The following CHUK variants were observed in gnomAD, a reference collection of about 807,000 sequenced individuals.
CHUK encodes the protein inhibitor of nuclear factor kappa-B kinase subunit alpha.
Under a neutral mutation model 104.8 loss-of-function variants are expected in CHUK, and 35 were observed. That is an observed-to-expected ratio of 0.33 (90% CI 0.26 to 0.44). CHUK has a LOEUF of 0.44. Among genes scored for constraint, CHUK ranks in the 20% least tolerant of loss-of-function variants. The probability of loss-of-function intolerance (pLI) is 1.00; values close to 1 mark genes in which losing one functional copy is unlikely to be tolerated. For synonymous variants in CHUK, 276 were observed against 291.9 expected (o/e 0.95, Z 0.56); for missense variants, 663 against 902.7 (o/e 0.73, Z 3.40).
chr10:100,222,745 A>G, intron 3 of CHUK, 121 bp downstream of exon 3: 1 of 679,682 alleles, frequency 1.5e-6, no homozygotes, highest in African/African-American at 1.8e-5. Flanking sequence ...AACTTTATTT[A>G]CAAAACAGGA....
Position 100,229,505 on chromosome 10 carries a change from C to G in CHUK, c.28G>C (p.Gly10Arg). The G allele has an allele frequency of 6.4e-7, 1 of 1,566,788 alleles. No homozygotes were observed. Among genetic ancestry groups the G allele is most frequent in the Non-Finnish European group, 8.6e-7 (1 of 1,160,920 alleles). Residue 10 changes from glycine to arginine, a missense_variant, in exon 1 of 21, where the codon GGC becomes CGC. Gly to Arg is a moderately radical substitution (Grantham distance 125). Around this residue, in one of 5 missense-constraint regions of CHUK, gnomAD observed 44 missense variants for 39.2 expected, o/e 1.12. Transcript: ENST00000370397. MERPPGLRP[G>R]AGGPWEMRER... is the part of the protein sequence containing the mutation. ...CGCATCTCCCAGGGCCCGCCCGCGC[C>G]CGGCCGCAGCCCCGGGGGCCGCTCC...
rs777095116 is a variant in CHUK, at chr10:100,219,297, T to C, written c.537A>G (p.Thr179=). 6.2e-7 allele frequency: 1 copy of C among 1,605,766 alleles called. No homozygotes were observed. The highest frequency in any genetic ancestry group is 8.5e-7 in the Non-Finnish European group (1 of 1,172,392). The change falls in exon 6 of 21, where the codon ACA becomes ACG. Residue 179 remains threonine (T), a synonymous_variant. Coordinates refer to ENST00000370397, the MANE Select transcript of CHUK (RefSeq NM_001278.5). ...GATACTGCAGTGTTCCCACAAAAGATGTACACAGACTTCCTTGATCAACAT... is the reference window on the plus strand; with the variant it reads ...GATACTGCAGTGTTCCCACAAAAGACGTACACAGACTTCCTTGATCAACAT... ...AKDVDQGSLC[T]SFVGTLQYLA...
chr10:100,229,489 C>G lies in CHUK; in HGVS notation c.44G>C (p.Trp15Ser), dbSNP rs1371192828. ...GGTGCCCAGCCGCTCCCGCATCTCC[C>G]AGGGCCCGCCCGCGCCCGGCCGCAG... Reference protein sequence around the residue: ...PGLRPGAGGPWEMRERLGTGG... With the variant: ...PGLRPGAGGPSEMRERLGTGG... Residue 15 changes from tryptophan to serine, a missense_variant, in exon 1 of 21, where the codon TGG becomes TCG. Physicochemically the swap from Trp to Ser is radical, Grantham distance 177. This residue lies in a region of CHUK where 44 missense variants were observed against 39.2 expected (regional missense o/e 1.12). Transcript: ENST00000370397. 1 of 1,589,198 alleles carries G rather than the reference C, an allele frequency of 6.3e-7. No homozygotes were observed. Among genetic ancestry groups the G allele is most frequent in the Non-Finnish European group, 8.5e-7 (1 of 1,171,762 alleles).
chr10:100,202,555 C>T (rs962456278), intron 13 of CHUK, among the ~76,000 whole-genome samples: 4 of 152,144 alleles, frequency 2.6e-5, no homozygotes, highest in African/African-American at 9.7e-5. Context: ...TTCTTCTCTA[C>T]AGATTTCAGA....
At chr10:100,204,457 G>A (rs1845542422) in intron 13 of CHUK, 49 bp downstream of exon 13, 5 of 1,533,208 alleles carry the variant, frequency 3.3e-6, no homozygotes, top group Non-Finnish European at 3.6e-6. Context: ...ATAACAGATG[G>A]CTTCAAGAAA....
At chr10:100,190,628 C>A in intron 20 of CHUK, 1 of 523,418 alleles carries the variant, frequency 1.9e-6, no homozygotes. Context: ...AAGAAGCTTA[C>A]CACTCATTTA....
At chr10:100,191,767 C>T (rs1297839848) in intron 19 of CHUK, among the ~76,000 whole-genome samples, 2 of 152,182 alleles carry the variant, frequency 1.3e-5, no homozygotes, top group African/African-American at 4.8e-5. Flanking sequence ...TCAAACAGTT[C>T]CCAATCCTTG....
chr10:100,210,883 G>A (rs186515879), intron 9 of CHUK, among the ~76,000 whole-genome samples: 87 of 152,314 alleles, frequency 5.7e-4, no homozygotes, highest in African/African-American at 1.8e-3. Context: ...ACCTGTCAGC[G>A]CGGACAGCCA....
intron 12 of CHUK, among the ~76,000 whole-genome samples, 172 bp from the exon 13 acceptor site, chr10:100,204,829 TATA>T (rs1845553629): frequency 6.6e-6 from 1 of 152,242 alleles, no homozygotes; most frequent in Non-Finnish European, 1.5e-5. Flanking sequence ...ACTTCCTGCC[TATA>T]ATATTTTGTG....
intron 10 of CHUK, 70 bp downstream of exon 10, chr10:100,209,525 T>TA: frequency 1.0e-6 from 1 of 977,642 alleles, no homozygotes. Context: ...CAAGTATGCA[T>TA]AAAAATTGCA....
intron 16 of CHUK, chr10:100,195,411 G>A (rs529406172): frequency 1.4e-4 from 21 of 152,226 alleles, no homozygotes; most frequent in African/African-American, 4.1e-4. Context: ...TTTAAAAAAC[G>A]TTGTGTCCTT....
At chr10:100,196,386 T>G (rs374524646) in intron 16 of CHUK, among the ~76,000 whole-genome samples, 74 of 91,734 alleles carry the variant, frequency 8.1e-4, no homozygotes, top group African/African-American at 5.6e-3. Context: ...CTGCTCTGGG[T>G]TTTTTTTTTT....
In CHUK at chr10:100,220,613, A is replaced by G. The variant is rs1276835829; in HGVS notation, c.449T>C (p.Ile150Thr). ...CTTTCCACCAACATCCTGAAGAACT[A>G]TGTTTTCAGGTTTTAGATCTCGATG... Reference protein sequence around the residue: ...IIHRDLKPENIVLQDVGGKII... With the variant: ...IIHRDLKPENTVLQDVGGKII... The change falls in exon 5 of 21, where the codon ATA becomes ACA. Residue 150 changes from isoleucine (I) to threonine (T), a missense_variant. Physicochemically the swap from Ile to Thr is moderately conservative, Grantham distance 89. This residue lies in a region of CHUK where 200 missense variants were observed against 333.0 expected (regional missense o/e 0.60). Coordinates refer to ENST00000370397, the MANE Select transcript of CHUK (RefSeq NM_001278.5). 1 of 1,612,138 alleles carries G rather than the reference A, an allele frequency of 6.2e-7. No homozygotes were observed. Among genetic ancestry groups the G allele is most frequent in the Non-Finnish European group, 8.5e-7 (1 of 1,178,450 alleles).
At chr10:100,200,912 G>A (rs1254136098) in intron 14 of CHUK, 132 bp from the exon 15 acceptor site, 3 of 689,890 alleles carry the variant, frequency 4.3e-6, no homozygotes, top group Non-Finnish European at 7.9e-6. Flanking sequence ...ACGAAACACT[G>A]ATTTTGTTAA....
chr10:100,197,427 A>T (rs1446132891), intron 16 of CHUK, among the ~76,000 whole-genome samples: 2 of 152,176 alleles, frequency 1.3e-5, no homozygotes, highest in South Asian at 4.1e-4. Flanking sequence ...TAGTCTAGAT[A>T]AGCAGTTCTC....
intron 16 of CHUK, among the ~76,000 whole-genome samples, chr10:100,199,728 T>C (rs2134214597): frequency 6.6e-6 from 1 of 152,334 alleles, no homozygotes; most frequent in African/African-American, 2.4e-5. Context: ...TTCCATTCTT[T>C]CTTTTCACGT....
At chr10:100,214,214 T>C (rs1185894717) in intron 9 of CHUK, among the ~76,000 whole-genome samples, 1 of 152,206 alleles carries the variant, frequency 6.6e-6, no homozygotes, top group African/African-American at 2.4e-5. Flanking sequence ...CCTAAATTTA[T>C]CTTTTTGCTC....
At chr10:100,217,247 C>G (rs901547621) in intron 9 of CHUK, among the ~76,000 whole-genome samples, 1 of 135,694 alleles carries the variant, frequency 7.4e-6, no homozygotes, top group Non-Finnish European at 1.5e-5. Context: ...TTACACTTGA[C>G]TTGTTAAAAA....
chr10:100,228,889 C>G (rs1846164189), intron 1 of CHUK, among the ~76,000 whole-genome samples: 1 of 151,932 alleles, frequency 6.6e-6, no homozygotes, highest in Non-Finnish European at 1.5e-5. Context: ...TTCCAAAGCC[C>G]ATCCATGCTT....
Sources: allele counts gnomAD v4.1 joint callset (sites outside exome capture counted in the v4.1 genomes callset), GRCh38; gene constraint gnomAD v4.1.1; regional missense constraint gnomAD v4.1.1; transcripts MANE v1.5; gene names NCBI Gene and HGNC (gene_info 2026-07-23, HGNC 2026-07-21).